TYW1: variants seen among roughly 807,000 people sequenced by gnomAD.
TYW1 encodes S-adenosyl-L-methionine-dependent tRNA 4-demethylwyosine synthase TYW1.
Under a neutral mutation model 96.2 loss-of-function variants are expected in TYW1, and 46 were observed. That is an observed-to-expected ratio of 0.48 (90% confidence interval 0.38 to 0.61). The LOEUF (loss-of-function observed/expected upper bound fraction) is 0.61. Ranked by LOEUF, TYW1 falls within the 20% of genes least tolerant of loss-of-function variation. The pLI, the probability that TYW1 is intolerant of heterozygous loss-of-function variation, is 0.00. For synonymous variants in TYW1, 274 were observed against 323.0 expected (o/e 0.85, Z 1.63); for missense variants, 684 against 909.6 (o/e 0.75, Z 3.19).
intron 15 of TYW1, among the ~76,000 whole-genome samples, chr7:67,211,198 C>T (rs1461846848): frequency 4.2e-5 from 5 of 118,010 alleles, no homozygotes; most frequent in African/African-American, 1.7e-4. Flanking sequence ...GTGTTTTGAG[C>T]ACTTTCTTTC....
intron 15 of TYW1, among the ~76,000 whole-genome samples, chr7:67,212,107 C>T (rs1185575279): frequency 1.3e-5 from 2 of 152,210 alleles, no homozygotes; most frequent in Non-Finnish European, 2.9e-5. Context: ...TGCCCCTGCA[C>T]TTCCTCTTTT....
intron 13 of TYW1, among the ~76,000 whole-genome samples, chr7:67,164,669 A>G (rs1437428407): frequency 7.1e-6 from 1 of 141,284 alleles, no homozygotes; most frequent in African/African-American, 2.8e-5. Context: ...AGTTATTCTC[A>G]ATGGGAACGA....
chr7:67,078,946 G>A (rs1405272463), intron 10 of TYW1, among the ~76,000 whole-genome samples: 2 of 151,746 alleles, frequency 1.3e-5, no homozygotes, highest in African/African-American at 4.8e-5. Context: ...CGCCCACCTT[G>A]GCCTCCCAAA....
chr7:67,139,728 G>GGTGT (rs55993805), intron 13 of TYW1, among the ~76,000 whole-genome samples: 7,032 of 138,458 alleles, frequency 0.051, 187 homozygotes, highest in South Asian at 0.097. Context: ...TGTGTATACA[G>GGTGT]GTGTGTGTGT....
At chr7:67,051,732 G>GTTTTTTTTTTT (rs201852688) in intron 8 of TYW1, among the ~76,000 whole-genome samples, 1 of 123,958 alleles carries the variant, frequency 8.1e-6, no homozygotes, top group African/African-American at 2.9e-5. Flanking sequence ...TTGTTTTTTT[G>GTTTTTTTTTTT]TTTTTTTTTT....
intron 12 of TYW1, 46 bp from the exon 13 acceptor site, chr7:67,117,437 T>A: frequency 1.3e-6 from 2 of 1,582,952 alleles, no homozygotes; most frequent in Non-Finnish European, 1.7e-6. Flanking sequence ...GAAAGCCTGA[T>A]AGAGGAATAA....
At chr7:66,997,166 C>T (rs1042438427) in intron 1 of TYW1, among the ~76,000 whole-genome samples, 184 bp downstream of exon 1, 1 of 152,204 alleles carries the variant, frequency 6.6e-6, no homozygotes, top group African/African-American at 2.4e-5. Flanking sequence ...TGGCTTTTGC[C>T]TTTTGAGGCT....
intron 12 of TYW1, among the ~76,000 whole-genome samples, chr7:67,100,416 T>G (rs894893845): frequency 6.6e-6 from 1 of 152,026 alleles, no homozygotes; most frequent in Admixed American, 6.6e-5. Context: ...CTTATTTATC[T>G]CGGTGCATTT....
intron 13 of TYW1, among the ~76,000 whole-genome samples, chr7:67,129,432 C>T (rs760836257): frequency 1.3e-5 from 2 of 152,176 alleles, no homozygotes; most frequent in Non-Finnish European, 2.9e-5. Context: ...CACTGAGCCT[C>T]CAGCACTTTG....
chr7:67,116,333 A>AAAAAGAAAAG lies in TYW1; in HGVS notation c.1563-1135_1563-1126dup, dbSNP rs367638874. Among the ~76,000 whole-genome samples, 17 of 150,416 alleles carry AAAAAGAAAAG rather than the reference A, an allele frequency of 1.1e-4. No homozygotes were observed. The East Asian group carries it at 2.9e-3, about 26-fold the overall frequency. On this transcript the variant is annotated intron_variant, in intron 12 of 15. Transcript: ENST00000359626. Reference sequence around the variant, plus strand: ...GAGGGAGAATCCATCTCAAAAAAAAAAAAAGAAAAGAAAAGAAAAGAAAAA... The same window carrying AAAAAGAAAAG: ...GAGGGAGAATCCATCTCAAAAAAAAAAAAAGAAAAGAAAAGAAAAGAAAAGAAAAGAAAAA...
chr7:67,191,002 G>A (rs1800188904), intron 14 of TYW1, among the ~76,000 whole-genome samples: 1 of 152,166 alleles, frequency 6.6e-6, no homozygotes, highest in African/African-American at 2.4e-5. Flanking sequence ...TCACTATAAA[G>A]GAATACCTGA....
chr7:67,173,883 C>T (rs140327529), intron 13 of TYW1, among the ~76,000 whole-genome samples: 1,544 of 134,894 alleles, frequency 0.011, 52 homozygotes, highest in African/African-American at 0.045. Flanking sequence ...GATATGATCA[C>T]GTGATTTTCC....
intron 3 of TYW1, among the ~76,000 whole-genome samples, chr7:67,005,369 G>A (rs527773199): frequency 6.6e-6 from 1 of 152,310 alleles, no homozygotes; most frequent in South Asian, 2.1e-4. Context: ...GCCAAGGCAG[G>A]TGGATCACTT....
At chr7:67,170,428 A>C (rs1470391001) in intron 13 of TYW1, among the ~76,000 whole-genome samples, 4 of 152,172 alleles carry the variant, frequency 2.6e-5, no homozygotes, top group Admixed American at 2.6e-4. Flanking sequence ...GCATTTCCAT[A>C]TGCATTTTGG....
intron 6 of TYW1, among the ~76,000 whole-genome samples, chr7:67,022,379 A>G (rs1794307984): frequency 6.6e-6 from 1 of 152,178 alleles, no homozygotes; most frequent in Non-Finnish European, 1.5e-5. Context: ...TTACAGTAAA[A>G]GTTTACTGAC....
At chr7:67,195,363 T>C (rs1800359650) in intron 15 of TYW1, 26 bp downstream of exon 15, 2 of 1,610,888 alleles carry the variant, frequency 1.2e-6, no homozygotes, top group Non-Finnish European at 1.7e-6. Flanking sequence ...ACATGGATTC[T>C]TCTGTTCCCC....
chr7:67,121,941 T>TA (rs1797771611), intron 13 of TYW1, among the ~76,000 whole-genome samples: 1 of 143,866 alleles, frequency 7.0e-6, no homozygotes, highest in Non-Finnish European at 1.5e-5. Flanking sequence ...GATACCAGAG[T>TA]AAAAAATGTG....
intron 10 of TYW1, among the ~76,000 whole-genome samples, chr7:67,076,035 G>A (rs1414582104): frequency 6.6e-6 from 1 of 152,220 alleles, no homozygotes; most frequent in African/African-American, 2.4e-5. Context: ...GTCAAAGCAA[G>A]CATTAAGTCG....
At chr7:67,108,352 T>C (rs897552507) in intron 12 of TYW1, among the ~76,000 whole-genome samples, 5 of 152,004 alleles carry the variant, frequency 3.3e-5, no homozygotes, top group Non-Finnish European at 7.4e-5. Flanking sequence ...TTAGTAGGAG[T>C]ATTAAAGATT....
Sources: allele counts gnomAD v4.1 joint callset (sites outside exome capture counted in the v4.1 genomes callset), GRCh38; gene constraint gnomAD v4.1.1; transcripts MANE v1.5; gene names NCBI Gene and HGNC (gene_info 2026-07-23, HGNC 2026-07-21).